Variants in EIF3M observed in about 807,000 individuals in gnomAD.
EIF3M encodes the protein B5 receptor.
In EIF3M, 25 loss-of-function variants were observed where a neutral mutation model predicts 49.7. The ratio of observed to expected loss-of-function variants is 0.50; its 90% confidence interval spans 0.37 to 0.70. EIF3M has a LOEUF of 0.70. EIF3M is among the 30% of genes least tolerant of loss of function. EIF3M has a pLI of 0.00. For synonymous variants in EIF3M, 156 were observed against 149.8 expected (o/e 1.04, Z -0.30); for missense variants, 350 against 440.0 (o/e 0.80, Z 1.83).
In EIF3M at chr11:32,602,412, A is replaced by G; in HGVS notation, c.*13A>G. The G allele has an allele frequency of 2.5e-6, 4 of 1,603,556 alleles. No individual in the cohort carries two copies. Among genetic ancestry groups the G allele is most frequent in the South Asian group, 1.1e-5 (1 of 88,444 alleles). On this transcript the variant is annotated 3_prime_UTR_variant, in exon 11 of 11. Transcript: ENST00000531120. ...TTCTGATACCTGAGTTTTTATGCTTATAATTTTTGTTCTTTGAAAAAAAAG... is the reference window on the plus strand; with the variant it reads ...TTCTGATACCTGAGTTTTTATGCTTGTAATTTTTGTTCTTTGAAAAAAAAG...
rs942385882 is a variant in EIF3M at position 32,587,056 on chromosome 11, T to A, written c.87T>A (p.Ile29=). The change falls in exon 2 of 11, where the codon ATT becomes ATA. Residue 29 remains isoleucine, a synonymous_variant. Transcript: ENST00000531120. ...ATCTGAAATCTAAAGGAGCTGAGAT[T>A]TCAGAAGAGAACTCGGAAGGTGGAC... The part of the protein sequence containing the change: ...RAYLKSKGAE[I]SEENSEGGLH... 3.1e-6 allele frequency: 5 copies of A among 1,612,510 alleles called. No homozygotes were observed. In the African/African-American group the frequency reaches 6.7e-5, roughly 22 times the overall value.
chr11:32,587,537 G>A (rs1012741465), intron 2 of EIF3M, among the ~76,000 whole-genome samples: 2 of 152,146 alleles, frequency 1.3e-5, no homozygotes, highest in African/African-American at 4.8e-5. Flanking sequence ...CTTTCAGTTT[G>A]TGTAATCTAT....
intron 9 of EIF3M, 97 bp downstream of exon 9, chr11:32,600,929 C>T: frequency 6.9e-7 from 1 of 1,452,456 alleles, no homozygotes; most frequent in Non-Finnish European, 9.2e-7. Flanking sequence ...CCTTACACAA[C>T]AAAGATTTGT....
At chr11:32,596,760 G>T (rs1418552268) in intron 8 of EIF3M, among the ~76,000 whole-genome samples, 1 of 151,994 alleles carries the variant, frequency 6.6e-6, no homozygotes, top group African/African-American at 2.4e-5. Context: ...ACAAAAATTA[G>T]TGGGCATGGT....
At chr11:32,600,918 GC>G (rs1287021184) in intron 9 of EIF3M, 86 bp downstream of exon 9, 3 of 1,475,120 alleles carry the variant, frequency 2.0e-6, no homozygotes, top group East Asian at 2.3e-5. Flanking sequence ...TGGAAACTGA[GC>G]CTTACACAAC....
At position 32,588,712 on chromosome 11, in the gene EIF3M, C is replaced by A; in HGVS notation, c.294C>A (p.Arg98=). 1.2e-6 allele frequency: 2 copies of A among 1,614,190 alleles called. No homozygotes were observed. Among genetic ancestry groups the A allele is most frequent in the Non-Finnish European group, 1.7e-6 (2 of 1,180,032 alleles). Residue 98 remains arginine, a synonymous_variant, in exon 3 of 11, where the codon CGC becomes CGA. Coordinates refer to ENST00000531120, the MANE Select transcript of EIF3M (RefSeq NM_006360.6). ...EKLVKFREGE[R]PSLRLQLLSN... ...TGGTCAAATTTCGCGAAGGTGAACGCCCGTCTCTGAGACTGCAGTTGTAAG... is the reference window on the plus strand; with the variant it reads ...TGGTCAAATTTCGCGAAGGTGAACGACCGTCTCTGAGACTGCAGTTGTAAG...
intron 6 of EIF3M, 179 bp from the exon 7 acceptor site, chr11:32,594,735 A>G (rs1410386095): frequency 2.2e-6 from 1 of 449,382 alleles, no homozygotes; most frequent in East Asian, 3.5e-5. Context: ...GTTAAAACAG[A>G]TGAACCTGAT....
chr11:32,596,068 T>C, intron 8 of EIF3M, 21 bp downstream of exon 8: 1 of 1,521,428 alleles, frequency 6.6e-7, no homozygotes, highest in Non-Finnish European at 8.8e-7. Flanking sequence ...GGGTTTATTC[T>C]TTGAGGCACA....
chr11:32,591,257 G>A (rs923263980), intron 5 of EIF3M, among the ~76,000 whole-genome samples: 27 of 152,352 alleles, frequency 1.8e-4, no homozygotes, highest in Non-Finnish European at 3.1e-4. Context: ...GAAGGTTGAA[G>A]TATACTGTAG....
chr11:32,602,327 T>C lies in EIF3M; in HGVS notation c.1053T>C (p.Tyr351=). 6.2e-7 allele frequency: 1 copy of C among 1,612,788 alleles called. No individual in the cohort carries two copies. The highest frequency in any genetic ancestry group is 8.5e-7 in the Non-Finnish European group (1 of 1,179,150). The change falls in exon 11 of 11, where the codon TAT becomes TAC. Residue 351 remains tyrosine, a synonymous_variant. Coordinates refer to ENST00000531120, the MANE Select transcript of EIF3M (RefSeq NM_006360.6). The part of the protein sequence containing the change: ...TFGKQQWQQL[Y]DTLNAWKQNL... ...GAAAACAGCAGTGGCAACAACTGTA[T>C]GACACACTTAATGCCTGGAAACAAA...
rs1026243693 is a variant in EIF3M at position 32,588,801 on chromosome 11, G to A, written c.314+69G>A. 75 of 1,597,342 alleles carry A rather than the reference G, an allele frequency of 4.7e-5. No homozygotes were observed. In the East Asian group the frequency reaches 1.6e-3, roughly 34 times the overall value. On this transcript the variant is annotated intron_variant, in intron 3 of 10. Transcript: ENST00000531120. ...TTTCATGTTACTAACTTTTAATGGT[G>A]CAGAGCAGGAATTCTGGAACTTGAC... is the stretch of plus-strand genomic sequence containing the variant.
chr11:32,596,639 T>C (rs1199865976), intron 8 of EIF3M, among the ~76,000 whole-genome samples: 1 of 149,858 alleles, frequency 6.7e-6, no homozygotes, highest in Non-Finnish European at 1.5e-5. Flanking sequence ...AGAAAACAAC[T>C]TAGCACTTGT....
intron 8 of EIF3M, among the ~76,000 whole-genome samples, chr11:32,596,309 G>A (rs1437294702): frequency 6.6e-6 from 1 of 152,098 alleles, no homozygotes; most frequent in African/African-American, 2.4e-5. Context: ...AAAACAACTC[G>A]GGGCCCAGCG....
intron 1 of EIF3M, 183 bp from the exon 2 acceptor site, chr11:32,586,829 G>A: frequency 1.5e-6 from 1 of 674,604 alleles, no homozygotes; most frequent in Non-Finnish European, 2.3e-6. Flanking sequence ...TGGACCTCAT[G>A]GAGGAAAACC....
chr11:32,592,237 G>T, intron 5 of EIF3M: 1 of 407,618 alleles, frequency 2.5e-6, no homozygotes, highest in Non-Finnish European at 4.6e-6. Flanking sequence ...TGCATCTGTT[G>T]TTTAAAAAGG....
chr11:32,594,607 G>T, intron 6 of EIF3M: 1 of 225,922 alleles, frequency 4.4e-6, no homozygotes, highest in South Asian at 7.8e-5. Flanking sequence ...TAAATGAGAT[G>T]TAAGGCAAGT....
At chr11:32,597,696 TA>T (rs1855201503) in intron 8 of EIF3M, among the ~76,000 whole-genome samples, 1 of 152,206 alleles carries the variant, frequency 6.6e-6, no homozygotes, top group African/African-American at 2.4e-5. Context: ...GAACAGGTTT[TA>T]AATGTTGTAA....
intron 5 of EIF3M, 48 bp downstream of exon 5, chr11:32,589,689 T>A: frequency 6.5e-7 from 1 of 1,549,886 alleles, no homozygotes; most frequent in Non-Finnish European, 8.9e-7. Flanking sequence ...ACAGTATAAG[T>A]AGGTGGGGAT....
Position 32,596,030 on chromosome 11 carries a change from A to T in EIF3M, c.782A>T (p.Asp261Val), listed in dbSNP as rs1488724900. Residue 261 changes from aspartate (D) to valine (V), a missense_variant, in exon 8 of 11, where the codon GAC (aspartate) becomes GTC (valine). Asp to Val is a radical substitution (Grantham distance 152). Transcript: ENST00000531120. ...SYVKFYQNNKDFIDSLGLLHE... is the reference protein window; with the variant it reads ...SYVKFYQNNKVFIDSLGLLHE... ...GTCAAGTTTTATCAGAATAATAAAG[A>T]CTTCATTGATTCACTTGGTAAGTTT... The T allele has an allele frequency of 1.3e-6, 2 of 1,554,486 alleles. No individual in the cohort carries two copies. Among genetic ancestry groups the T allele is most frequent in the Non-Finnish European group, 1.7e-6 (2 of 1,160,358 alleles).
Sources: allele counts gnomAD v4.1 joint callset (sites outside exome capture counted in the v4.1 genomes callset), GRCh38; gene constraint gnomAD v4.1.1; transcripts MANE v1.5; gene names NCBI Gene and HGNC (gene_info 2026-07-23, HGNC 2026-07-21).